Variants in STXBP5L observed in about 807,000 individuals in gnomAD.
STXBP5L encodes the protein syntaxin-binding protein 5-like.
In STXBP5L, 65 loss-of-function variants were observed where a neutral mutation model predicts 144.5. The ratio of observed to expected loss-of-function variants is 0.45; its 90% CI spans 0.37 to 0.55. The LOEUF is 0.55. Among genes scored for constraint, STXBP5L ranks in the 20% least tolerant of loss-of-function variants. The pLI is 0.00. For missense variants in STXBP5L, 1,298 were observed against 1,405.5 expected, an observed-to-expected ratio of 0.92 and a Z score of 1.22; for synonymous variants, 505 against 469.6, an observed-to-expected ratio of 1.08 and a Z score of -0.97.
chr3:121,247,132 C>A (rs577861289), intron 14 of STXBP5L, among the ~76,000 whole-genome samples: 1 of 152,080 alleles, frequency 6.6e-6, no homozygotes, highest in African/African-American at 2.4e-5. Flanking sequence ...GTGACTAACC[C>A]CCTCTCAAAA....
intron 20 of STXBP5L, among the ~76,000 whole-genome samples, chr3:121,334,682 C>T (rs2103357): frequency 0.099 from 14,939 of 150,628 alleles, 1,214 homozygotes; most frequent in Admixed American, 0.2. Context: ...AAGGTAGGTC[C>T]GACATATGCA....
At chr3:120,995,110 C>T (rs1184740487) in intron 3 of STXBP5L, among the ~76,000 whole-genome samples, 1 of 151,956 alleles carries the variant, frequency 6.6e-6, no homozygotes, top group African/African-American at 2.4e-5. Context: ...ATTAAGTCTG[C>T]AAATTAAAAA....
chr3:121,062,684 T>A (rs1380666391), intron 5 of STXBP5L, among the ~76,000 whole-genome samples: 1 of 152,238 alleles, frequency 6.6e-6, no homozygotes, highest in Non-Finnish European at 1.5e-5. Flanking sequence ...AGTCCCATAT[T>A]TCTTGGAGGT....
At chr3:121,079,339 T>A (rs2042157970) in intron 5 of STXBP5L, among the ~76,000 whole-genome samples, 1 of 152,204 alleles carries the variant, frequency 6.6e-6, no homozygotes, top group Non-Finnish European at 1.5e-5. Flanking sequence ...CAACCTAAAC[T>A]TATTGGTCTT....
intron 5 of STXBP5L, among the ~76,000 whole-genome samples, chr3:121,056,337 C>A (rs894526921): frequency 2.6e-5 from 4 of 151,996 alleles, no homozygotes; most frequent in Non-Finnish European, 4.4e-5. Context: ...GAGTGAAATT[C>A]AAATGTAGGC....
chr3:120,973,699 C>A (rs1165306486), intron 3 of STXBP5L, among the ~76,000 whole-genome samples: 2 of 151,834 alleles, frequency 1.3e-5, no homozygotes, highest in African/African-American at 4.8e-5. Context: ...CCCCATCCCC[C>A]CACCCCACAA....
At chr3:121,085,587 G>A (rs1330609148) in intron 5 of STXBP5L, among the ~76,000 whole-genome samples, 2 of 152,084 alleles carry the variant, frequency 1.3e-5, no homozygotes, top group East Asian at 1.9e-4. Context: ...TTGCTACAAA[G>A]AGAATAAAAT....
intron 19 of STXBP5L, among the ~76,000 whole-genome samples, chr3:121,312,034 C>T (rs374140376): frequency 9.9e-5 from 15 of 152,142 alleles, no homozygotes; most frequent in South Asian, 8.3e-4. Context: ...TCAGAAATAA[C>T]GCTGCATATC....
At chr3:121,026,004 T>C (rs890865694) in intron 3 of STXBP5L, among the ~76,000 whole-genome samples, 2 of 143,784 alleles carry the variant, frequency 1.4e-5, no homozygotes, top group Admixed American at 7.2e-5. Context: ...ATCAATATAT[T>C]ATATATAAAT....
intron 9 of STXBP5L, among the ~76,000 whole-genome samples, chr3:121,201,497 T>C (rs550672743): frequency 6.6e-6 from 1 of 152,324 alleles, no homozygotes; most frequent in East Asian, 1.9e-4. Flanking sequence ...AATTGGAGAC[T>C]TTAGCCCATT....
At chr3:121,091,537 G>T (rs960290277) in intron 5 of STXBP5L, among the ~76,000 whole-genome samples, 9 of 152,170 alleles carry the variant, frequency 5.9e-5, no homozygotes, top group African/African-American at 2.2e-4. Flanking sequence ...CAGTGATGGT[G>T]AGCATTTTTT....
At chr3:121,052,510 A>G (rs1423495012) in intron 5 of STXBP5L, among the ~76,000 whole-genome samples, 1 of 152,200 alleles carries the variant, frequency 6.6e-6, no homozygotes, top group South Asian at 2.1e-4. Context: ...GATTATCTCA[A>G]TAGATGCATA....
rs905062116 is a variant in STXBP5L, at chr3:121,093,505, G to T, written c.471-21420G>T. On this transcript the variant is annotated intron_variant, in intron 5 of 26. Coordinates refer to ENST00000471454, the MANE Select transcript of STXBP5L (RefSeq NM_001308330.2). ...TTCTTCCTGGTTTAGTCTTGGGAGGGTATATGTGTCGAGGAATTTATCCAT... is the reference window on the plus strand; with the variant it reads ...TTCTTCCTGGTTTAGTCTTGGGAGGTTATATGTGTCGAGGAATTTATCCAT... Among the ~76,000 whole-genome samples the T allele has an allele frequency of 7.2e-5, 11 of 152,276 alleles. 1 individual carries two copies. In the South Asian group the frequency reaches 8.3e-4, roughly 11 times the overall value.
chr3:120,930,020 C>G (rs1302010684), intron 2 of STXBP5L, among the ~76,000 whole-genome samples: 2 of 151,426 alleles, frequency 1.3e-5, no homozygotes, highest in Non-Finnish European at 2.9e-5. Context: ...TAAAATTTTT[C>G]CCAGTTCATT....
chr3:121,033,590 TA>T (rs1389766143), intron 3 of STXBP5L, among the ~76,000 whole-genome samples: 2 of 150,036 alleles, frequency 1.3e-5, no homozygotes. Flanking sequence ...AAAAAAACAT[TA>T]AAAAATAAAT....
intron 7 of STXBP5L, among the ~76,000 whole-genome samples, chr3:121,129,866 C>A (rs2044891478): frequency 6.6e-6 from 1 of 151,892 alleles, no homozygotes; most frequent in Admixed American, 6.6e-5. Context: ...CCACAAAGAT[C>A]CAGGGGCCTG....
At chr3:121,400,484 C>A (rs750902605) in intron 22 of STXBP5L, among the ~76,000 whole-genome samples, 13 of 152,184 alleles carry the variant, frequency 8.5e-5, no homozygotes, top group Non-Finnish European at 1.8e-4. Flanking sequence ...CACTTCCTAG[C>A]AAACAGTTTT....
At chr3:121,403,658 GATAA>G (rs1233068941) in intron 22 of STXBP5L, among the ~76,000 whole-genome samples, 1 of 152,112 alleles carries the variant, frequency 6.6e-6, no homozygotes, top group African/African-American at 2.4e-5. Context: ...TAATATGTGT[GATAA>G]ATAAGTAATT....
intron 18 of STXBP5L, among the ~76,000 whole-genome samples, chr3:121,268,717 A>G (rs1301436950): frequency 6.6e-6 from 1 of 152,172 alleles, no homozygotes; most frequent in Non-Finnish European, 1.5e-5. Context: ...CCACTTTCTA[A>G]ACAATGAATT....
Sources: allele counts gnomAD v4.1 joint callset (sites outside exome capture counted in the v4.1 genomes callset), GRCh38; gene constraint gnomAD v4.1.1; transcripts MANE v1.5; gene names NCBI Gene and HGNC (gene_info 2026-07-23, HGNC 2026-07-21).